Variants in ARHGEF10 observed in about 807,000 individuals in gnomAD.
The protein encoded by ARHGEF10 is Rho guanine nucleotide exchange factor 10, also known as Rho guanine nucleotide exchange factor (GEF) 10.
Under a neutral mutation model 147.4 loss-of-function variants are expected in ARHGEF10, and 140 were observed. The ratio of observed to expected loss-of-function variants is 0.95; its 90% CI spans 0.83 to 1.09. ARHGEF10 has a LOEUF of 1.09. ARHGEF10 is among the 50% of genes least tolerant of loss of function. The probability of loss-of-function intolerance (pLI) is 0.00; values close to 1 mark genes in which losing one functional copy is unlikely to be tolerated. For synonymous variants in ARHGEF10, 902 were observed against 695.8 expected (o/e 1.30, Z -4.67); for missense variants, 2,222 against 1,752.7 (o/e 1.27, Z -4.78).
In ARHGEF10 at chr8:1,860,154, A is replaced by G. The variant is rs753508179; in HGVS notation, c.451A>G (p.Ile151Val). The change falls in exon 4 of 29, where the codon ATC (isoleucine) becomes GTC (valine). Residue 151 changes from isoleucine to valine, a missense_variant. Ile to Val is a conservative substitution (Grantham distance 29, BLOSUM62 3). Transcript: ENST00000349830. The stretch of plus-strand genomic sequence containing the variant: ...GCTGCCCGCCTACTCCAGCCCGGTC[A>G]TCATCTGCGCCACGTCCCTGGACGA... The part of the protein sequence containing the change: ...LLLPAYSSPV[I>V]ICATSLDEEE... 3.9e-5 allele frequency: 63 copies of G among 1,613,504 alleles called. 1 individual carries two copies. The East Asian group carries it at 6.7e-4, about 17-fold the overall frequency.
At chr8:1,865,994 A>T (rs11136438) in intron 5 of ARHGEF10, among the ~76,000 whole-genome samples, 76,820 of 152,026 alleles carry the variant, frequency 0.51, 19,507 homozygotes, top group East Asian at 0.63. Context: ...TCCCGTAGCT[A>T]CCCATTGCAA....
chr8:1,882,219 C>T (rs144696958), intron 9 of ARHGEF10, among the ~76,000 whole-genome samples: 1 of 152,214 alleles, frequency 6.6e-6, no homozygotes, highest in African/African-American at 2.4e-5. Flanking sequence ...GCTGGCCATG[C>T]CCCCACATGG....
At chr8:1,945,842 T>G (rs1044496651) in intron 27 of ARHGEF10, 187 bp downstream of exon 27, 3 of 888,446 alleles carry the variant, frequency 3.4e-6, no homozygotes, top group African/African-American at 3.6e-5. Flanking sequence ...CAGCCCACTT[T>G]AGCGCTTCCC....
intron 6 of ARHGEF10, among the ~76,000 whole-genome samples, 165 bp downstream of exon 6, chr8:1,866,767 G>A (rs1806658657): frequency 6.6e-6 from 1 of 152,148 alleles, no homozygotes; most frequent in Non-Finnish European, 1.5e-5. Context: ...AAGTTTCCCC[G>A]GGTTCCCTGA....
At chr8:1,866,821 G>A (rs892038626) in intron 6 of ARHGEF10, among the ~76,000 whole-genome samples, 7 of 152,172 alleles carry the variant, frequency 4.6e-5, no homozygotes, top group Non-Finnish European at 5.9e-5. Context: ...CCACGTCCAC[G>A]CACTCACTCT....
chr8:1,953,527 T>C (rs893993292), intron 28 of ARHGEF10, among the ~76,000 whole-genome samples: 73 of 152,264 alleles, frequency 4.8e-4, no homozygotes, highest in Non-Finnish European at 1.6e-4. Flanking sequence ...TAAAACATGC[T>C]TGTGTGTCTG....
Position 1,880,136 on chromosome 8 carries a change from A to G in ARHGEF10, c.932A>G (p.Gln311Arg), listed in dbSNP as rs1388513199. The change falls in exon 9 of 29, where the codon CAG becomes CGG. Residue 311 changes from glutamine (Q) to arginine (R), a missense_variant. Transcript: ENST00000349830. ...MASTVGVVEI[Q>R]QLRQKHELKM... The stretch of plus-strand genomic sequence containing the variant: ...AGCACGGTGGGCGTGGTGGAGATTC[A>G]GCAGCTCAGGCAGAAGCATGAACTG... 1 of 1,613,968 alleles carries G rather than the reference A, an allele frequency of 6.2e-7. No individual in the cohort carries two copies. Among genetic ancestry groups the G allele is most frequent in the South Asian group, 1.1e-5 (1 of 91,082 alleles).
At chr8:1,878,884 C>T (rs28450381) in intron 8 of ARHGEF10, among the ~76,000 whole-genome samples, 2 of 151,776 alleles carry the variant, frequency 1.3e-5, no homozygotes, top group Non-Finnish European at 2.9e-5. Flanking sequence ...AATTACAACC[C>T]GGGAGCGCTG....
At chr8:1,923,251 C>G (rs1472702106) in intron 19 of ARHGEF10, 172 bp downstream of exon 19, 1 of 888,826 alleles carries the variant, frequency 1.1e-6, no homozygotes, top group Non-Finnish European at 1.7e-6. Flanking sequence ...TTAATGGTAA[C>G]TTTTCTTCAT....
chr8:1,858,143 A>AGTACCCAGGTGG, intron 3 of ARHGEF10, 28 bp downstream of exon 3: 1 of 1,513,750 alleles, frequency 6.6e-7, no homozygotes, highest in East Asian at 2.3e-5. Flanking sequence ...TCCCCAGGTG[A>AGTACCCAGGTGG]GTCCCCAGGT....
At chr8:1,842,843 A>C (rs1804200003) in intron 1 of ARHGEF10, among the ~76,000 whole-genome samples, 1 of 152,236 alleles carries the variant, frequency 6.6e-6, no homozygotes, top group African/African-American at 2.4e-5. Flanking sequence ...GCCGGGACCC[A>C]GCCTCGCCCC....
intron 18 of ARHGEF10, among the ~76,000 whole-genome samples, chr8:1,912,471 C>T (rs1210778181): frequency 6.7e-6 from 1 of 150,248 alleles, no homozygotes; most frequent in Non-Finnish European, 1.5e-5. Context: ...TGAGTGTTTG[C>T]CGTGCAGTGT....
At chr8:1,865,680 G>A (rs1030928229) in intron 5 of ARHGEF10, among the ~76,000 whole-genome samples, 5 of 152,118 alleles carry the variant, frequency 3.3e-5, no homozygotes, top group African/African-American at 1.2e-4. Context: ...TTTTGCTTGA[G>A]AAGTCGTCAT....
At chr8:1,892,095 A>G (rs532548232) in intron 11 of ARHGEF10, among the ~76,000 whole-genome samples, 3 of 151,752 alleles carry the variant, frequency 2.0e-5, no homozygotes, top group Non-Finnish European at 1.5e-5. Flanking sequence ...ACTGTGACTC[A>G]GGAGCCTTGG....
intron 11 of ARHGEF10, among the ~76,000 whole-genome samples, chr8:1,893,236 G>T (rs1349208543): frequency 1.3e-5 from 2 of 152,068 alleles, no homozygotes; most frequent in Non-Finnish European, 2.9e-5. Context: ...TTCATAGGAA[G>T]TATCATCTAC....
intron 7 of ARHGEF10, among the ~76,000 whole-genome samples, chr8:1,874,848 G>T (rs1414691427): frequency 7.8e-6 from 1 of 129,002 alleles, no homozygotes; most frequent in Non-Finnish European, 1.7e-5. Flanking sequence ...GGCGTGTAGG[G>T]GGTAGAGGTT....
At position 1,880,027 on chromosome 8, in the gene ARHGEF10, C is replaced by T. The variant is rs377564577; in HGVS notation, c.844-21C>T. ...CAAAAAGAGCCTTTTTGTGAAAAGA[C>T]TGTGTCTCTTTATGCTGTAGCTTTC... On this transcript the variant is annotated intron_variant, in intron 8 of 28. Coordinates refer to ENST00000349830, the MANE Select transcript of ARHGEF10 (RefSeq NM_014629.4). The T allele has an allele frequency of 5.9e-6, 9 of 1,529,134 alleles. No homozygotes were observed. In the African/African-American group the frequency reaches 1.1e-4, roughly 19 times the overall value. The allele number at this position is 1,529,134 out of a possible 1,614,324, so 94.7% of individuals were successfully genotyped here.
chr8:1,952,498 G>T (rs1815136704), intron 27 of ARHGEF10, among the ~76,000 whole-genome samples: 1 of 152,250 alleles, frequency 6.6e-6, no homozygotes, highest in Non-Finnish European at 1.5e-5. Flanking sequence ...TTCAGGTGCA[G>T]GTGCAGGGTA....
chr8:1,950,689 G>A lies in ARHGEF10; in HGVS notation c.3398-2016G>A, dbSNP rs141723362. 5.7e-4 allele frequency among the ~76,000 whole-genome samples: 86 copies of A among 150,466 alleles called. No individual in the cohort carries two copies. The East Asian group carries it at 0.013, about 23-fold the overall frequency. On this transcript the variant is annotated intron_variant, in intron 27 of 28. Transcript: ENST00000349830. ...TGGGATAACAGGTGCCTACCACCAC[G>A]CCCAGCTAGTTTTTTTGTATTTTTT...
Sources: allele counts gnomAD v4.1 joint callset (sites outside exome capture counted in the v4.1 genomes callset), GRCh38; gene constraint gnomAD v4.1.1; transcripts MANE v1.5; gene names NCBI Gene and HGNC (gene_info 2026-07-23, HGNC 2026-07-21).